PRKAG2: variants seen among roughly 807,000 people sequenced by gnomAD.
PRKAG2 encodes 5'-AMP-activated protein kinase subunit gamma-2.
PRKAG2 carries 26 observed loss-of-function variants against 69.6 expected under a neutral mutation model. The observed-to-expected ratio is 0.37, with a 90% CI of 0.27 to 0.52. The LOEUF (loss-of-function observed/expected upper bound fraction) is 0.52. Among genes scored for constraint, PRKAG2 ranks in the 20% least tolerant of loss-of-function variants. The probability of loss-of-function intolerance (pLI) is 0.90; values close to 1 mark genes in which losing one functional copy is unlikely to be tolerated. For synonymous variants in PRKAG2, 293 were observed against 285.0 expected (o/e 1.03, Z -0.28); for missense variants, 557 against 740.0 (o/e 0.75, Z 2.87).
intron 1 of PRKAG2, among the ~76,000 whole-genome samples, chr7:151,825,080 G>C (rs1291221491): frequency 6.6e-6 from 1 of 152,102 alleles, no homozygotes; most frequent in Non-Finnish European, 1.5e-5. Flanking sequence ...TGGGTGTGGT[G>C]GCAGGCGCGT....
At chr7:151,605,337 A>G (rs1330703583) in intron 5 of PRKAG2, among the ~76,000 whole-genome samples, 2 of 151,832 alleles carry the variant, frequency 1.3e-5, no homozygotes, top group Non-Finnish European at 2.9e-5. Flanking sequence ...AAATATTTAA[A>G]ATAAATTATA....
chr7:151,644,876 A>G (rs1827303681), intron 4 of PRKAG2, among the ~76,000 whole-genome samples: 1 of 152,126 alleles, frequency 6.6e-6, no homozygotes, highest in Admixed American at 6.5e-5. Flanking sequence ...CATTTTAGTC[A>G]TTCTAGTGGG....
intron 14 of PRKAG2, among the ~76,000 whole-genome samples, chr7:151,561,947 A>C (rs1055160653): frequency 1.5e-4 from 19 of 130,072 alleles, no homozygotes; most frequent in Non-Finnish European, 2.7e-4. Flanking sequence ...AAAAAAAAAA[A>C]AAGGCTTTGG....
chr7:151,728,639 T>A (rs1340760345), intron 3 of PRKAG2, among the ~76,000 whole-genome samples: 1 of 152,192 alleles, frequency 6.6e-6, no homozygotes, highest in African/African-American at 2.4e-5. Flanking sequence ...CCTTTCGTCT[T>A]CGGACACTTT....
Position 151,696,133 on chromosome 7 carries a change from C to T in PRKAG2, c.467-20496G>A, listed in dbSNP as rs78370979. ...GCCCCTGCCAGGGCTGCCAGGAGCT[C>T]AGCCGGCCTTTGTTCTATTTCACCC... is the stretch of plus-strand genomic sequence containing the variant. On this transcript the variant is annotated intron_variant, in intron 3 of 15. Transcript: ENST00000287878. Among the ~76,000 whole-genome samples the T allele has an allele frequency of 4.7e-3, 713 of 152,358 alleles. 31 individuals carry two copies. In the East Asian group the frequency reaches 0.084, roughly 18 times the overall value.
chr7:151,565,283 C>T, intron 13 of PRKAG2, 63 bp downstream of exon 13: 3 of 1,225,270 alleles, frequency 2.4e-6, no homozygotes, highest in African/African-American at 1.5e-5. Context: ...AACATAAAAA[C>T]ACATTACATG....
At chr7:151,617,588 C>T (rs1820484939) in intron 5 of PRKAG2, among the ~76,000 whole-genome samples, 1 of 151,992 alleles carries the variant, frequency 6.6e-6, no homozygotes, top group Non-Finnish European at 1.5e-5. Context: ...TATTAGAATA[C>T]TTTTATTATT....
intron 3 of PRKAG2, among the ~76,000 whole-genome samples, chr7:151,694,130 T>C (rs971425167): frequency 6.6e-6 from 1 of 152,232 alleles, no homozygotes; most frequent in East Asian, 1.9e-4. Context: ...CGCCTCAGCC[T>C]CCCAAAGTAT....
chr7:151,689,582 C>T (rs976661041), intron 3 of PRKAG2, among the ~76,000 whole-genome samples: 4 of 152,160 alleles, frequency 2.6e-5, no homozygotes, highest in African/African-American at 2.4e-5. Flanking sequence ...ATGGGGAGAC[C>T]GTCTGTGAGT....
chr7:151,858,513 A>G (rs1042875336), intron 1 of PRKAG2, among the ~76,000 whole-genome samples: 8 of 152,148 alleles, frequency 5.3e-5, no homozygotes, highest in African/African-American at 1.9e-4. Context: ...TTAAATACCC[A>G]TATCTCCCAC....
At chr7:151,651,870 G>A (rs1169558747) in intron 4 of PRKAG2, among the ~76,000 whole-genome samples, 10 of 151,922 alleles carry the variant, frequency 6.6e-5, no homozygotes, top group African/African-American at 2.2e-4. Flanking sequence ...TAAAGGCAGC[G>A]AGTAGAATGG....
chr7:151,863,362 C>G (rs1296239570), intron 1 of PRKAG2, among the ~76,000 whole-genome samples: 2 of 152,084 alleles, frequency 1.3e-5, no homozygotes, highest in Admixed American at 6.5e-5. Flanking sequence ...ACATCCCCTT[C>G]CCAGGGACAG....
At chr7:151,650,232 G>A (rs1563343642) in intron 4 of PRKAG2, among the ~76,000 whole-genome samples, 1 of 151,096 alleles carries the variant, frequency 6.6e-6, no homozygotes, top group African/African-American at 2.4e-5. Flanking sequence ...AAAAGTTTAA[G>A]AGAAAAATGG....
chr7:151,593,885 A>C (rs1246948258), intron 6 of PRKAG2, among the ~76,000 whole-genome samples: 1 of 152,238 alleles, frequency 6.6e-6, no homozygotes, highest in Non-Finnish European at 1.5e-5. Context: ...CAATTGGAAA[A>C]TGAAATTAAA....
rs770394466 is a variant in PRKAG2, at chr7:151,565,770, T to C, written c.1349A>G (p.Asn450Ser). 5.6e-6 allele frequency: 9 copies of C among 1,613,842 alleles called. No individual in the cohort carries two copies. In the South Asian group the frequency reaches 9.9e-5, roughly 18 times the overall value. Residue 450 changes from asparagine (N) to serine (S), a missense_variant, in exon 12 of 16, where the codon AAC becomes AGC. Transcript: ENST00000287878. Reference protein sequence around the residue: ...HPDTPIIKALNIFVERRISAL... With the variant: ...HPDTPIIKALSIFVERRISAL... ...TGATATTCGTCTTTCCACAAATATGTTCAAGGCTTTGATGATGGGAGTGTC... is the reference window on the plus strand; with the variant it reads ...TGATATTCGTCTTTCCACAAATATGCTCAAGGCTTTGATGATGGGAGTGTC...
At chr7:151,560,123 A>G (rs1220483466) in intron 15 of PRKAG2, 8 of 985,056 alleles carry the variant, frequency 8.1e-6, no homozygotes, top group Non-Finnish European at 9.6e-6. Context: ...CTCAAAATAT[A>G]AGTTTTTTTT....
chr7:151,632,313 C>A lies in PRKAG2; in HGVS notation c.685-175G>T. 7 of 827,642 alleles carry A rather than the reference C, an allele frequency of 8.5e-6. No homozygotes were observed. Among genetic ancestry groups the A allele is most frequent in the Middle Eastern group, 1.2e-3 (2 of 1,622 alleles). 51.3% of individuals were successfully genotyped at this position (827,642 alleles called of 1,614,324 possible). On this transcript the variant is annotated intron_variant, in intron 4 of 15. Coordinates refer to ENST00000287878, the MANE Select transcript of PRKAG2 (RefSeq NM_016203.4). This position sits in a 1 kb window ranked among gnomAD's most constrained non-coding sequence, Gnocchi z 4.2. ...GGCGGAGCGGGAGCGCTGCCCCCAC[C>A]CGCCCGAGGCCGCCGCCGCCGCCGC...
At chr7:151,714,719 G>C (rs1217371769) in intron 3 of PRKAG2, among the ~76,000 whole-genome samples, 1 of 152,098 alleles carries the variant, frequency 6.6e-6, no homozygotes, top group African/African-American at 2.4e-5. Context: ...GGAGGCTCGG[G>C]CAAGTGGATC....
intron 3 of PRKAG2, among the ~76,000 whole-genome samples, chr7:151,725,105 G>A (rs987849148): frequency 3.9e-5 from 6 of 152,100 alleles, no homozygotes; most frequent in African/African-American, 1.2e-4. Context: ...TCCCCCTACC[G>A]TGTGATGATA....
Sources: gnomAD v4.1 joint callset for allele counts (sites outside exome capture counted in the v4.1 genomes callset) on GRCh38, gnomAD v4.1.1 for gene constraint, Gnocchi (gnomAD v3.1) non-coding constraint, MANE v1.5 for transcripts, NCBI Gene and HGNC (gene_info 2026-07-23, HGNC 2026-07-21) for gene names.